USP35: variants seen among roughly 807,000 people sequenced by gnomAD.
USP35 encodes the protein ubiquitin carboxyl-terminal hydrolase 35.
Under a neutral mutation model 83.8 loss-of-function variants are expected in USP35, and 69 were observed. The observed-to-expected ratio is 0.82, with a 90% confidence interval of 0.68 to 1.01. The LOEUF (loss-of-function observed/expected upper bound fraction) is 1.01, where lower values mean the gene tolerates loss of function less well. Among genes scored for constraint, USP35 ranks in the 50% least tolerant of loss-of-function variants. The pLI is 0.00. For missense variants in USP35, 1,503 were observed against 1,362.5 expected (o/e 1.10, Z -1.62); for synonymous variants, 714 against 589.5 (o/e 1.21, Z -3.06).
rs1259865765 is a variant in USP35, at chr11:78,196,720, C to T, written c.475C>T (p.Pro159Ser). 2 of 1,530,408 alleles carry T rather than the reference C, an allele frequency of 1.3e-6. No homozygotes were observed. Among genetic ancestry groups the T allele is most frequent in the East Asian group, 4.9e-5 (2 of 40,740 alleles). 94.8% of individuals were successfully genotyped at this position (1,530,408 alleles called of 1,614,324 possible). A position where few individuals can be genotyped will look rare whatever the true frequency, so the allele number is the denominator to read the frequency against. The change falls in exon 2 of 11, where the codon CCC becomes TCC. Residue 159 changes from proline to serine, a missense_variant. By Grantham distance (74) the Pro-to-Ser change is moderately conservative. Transcript: ENST00000529308. This position sits in a 1 kb window ranked among gnomAD's most constrained non-coding sequence, Gnocchi z 4.8. ...CCACCCGCGCTGTGTGCCCGACGGACCCCACCGCCTGCTCTTCTGCCAGCA... is the reference window on the plus strand; with the variant it reads ...CCACCCGCGCTGTGTGCCCGACGGATCCCACCGCCTGCTCTTCTGCCAGCA... ...ARHPRCVPDG[P>S]HRLLFCQQLV...
At position 78,196,250 on chromosome 11, in the gene USP35, A is replaced by G. The variant is rs756537453; in HGVS notation, c.5A>G (p.Asp2Gly). The change falls in exon 2 of 11, where the codon GAC (aspartate) becomes GGC (glycine). Residue 2 changes from aspartate to glycine, a missense_variant. By Grantham distance (94) the Asp-to-Gly change is moderately conservative. Transcript: ENST00000529308. This position sits in a 1 kb window ranked among gnomAD's most constrained non-coding sequence, Gnocchi z 4.8. M[D>G]KILEAVVTSS... ...GTCCTCCGCAGCGCGGGCGCCATGG[A>G]CAAGATCTTGGAGGCGGTGGTGACG... 2 of 1,592,008 alleles carry G rather than the reference A, an allele frequency of 1.3e-6. No individual in the cohort carries two copies. Among genetic ancestry groups the G allele is most frequent in the Admixed American group, 3.4e-5 (2 of 59,350 alleles).
Position 78,197,950 on chromosome 11 carries a change from T to G in USP35, c.688T>G (p.Ser230Ala). The G allele has an allele frequency of 6.2e-7, 1 of 1,614,146 alleles. No homozygotes were observed. The highest frequency in any genetic ancestry group is 8.5e-7 in the Non-Finnish European group (1 of 1,179,990). Residue 230 changes from serine (S) to alanine (A), a missense_variant, in exon 3 of 11, where the codon TCT (serine) becomes GCT (alanine). Ser to Ala is a moderately conservative substitution (Grantham distance 99). Coordinates refer to ENST00000529308, the MANE Select transcript of USP35 (RefSeq NM_020798.4). ...CCCTGTTCCAGAGGAGGAGCCACCATCTAGCGCCCTGGCCAGCGTGGTCCA... is the reference window on the plus strand; with the variant it reads ...CCCTGTTCCAGAGGAGGAGCCACCAGCTAGCGCCCTGGCCAGCGTGGTCCA... ...VISCAEEEPP[S>A]SALASVVQHL...
chr11:78,203,559 CAT>C (rs1863426328), intron 6 of USP35, among the ~76,000 whole-genome samples: 1 of 151,974 alleles, frequency 6.6e-6, no homozygotes, highest in South Asian at 2.1e-4. Context: ...TAATTATAAA[CAT>C]GTTTACATGT....
At chr11:78,207,890 A>G (rs891598536) in intron 8 of USP35, among the ~76,000 whole-genome samples, 3 of 152,234 alleles carry the variant, frequency 2.0e-5, no homozygotes, top group Non-Finnish European at 4.4e-5. Context: ...TGGTGTTGCC[A>G]TAGTCCATTT....
At chr11:78,189,405 C>G (rs975070805) in intron 1 of USP35, among the ~76,000 whole-genome samples, 6 of 152,240 alleles carry the variant, frequency 3.9e-5, no homozygotes, top group African/African-American at 1.4e-4. Flanking sequence ...GGCATTCGCA[C>G]CCAGTACCTA....
At chr11:78,216,087 T>C (rs1852819293), downstream of USP35, 1 of 151,952 alleles carries the variant, frequency 6.6e-6, no homozygotes, top group South Asian at 2.1e-4. Flanking sequence ...GAGGAGGGAG[T>C]CTCCCCTTCA....
chr11:78,204,919 G>A (rs548095860), intron 6 of USP35, among the ~76,000 whole-genome samples: 53 of 152,362 alleles, frequency 3.5e-4, no homozygotes, highest in African/African-American at 1.2e-3. Context: ...CTGGGGAGAC[G>A]AGGGCTTTGG....
At chr11:78,221,844 C>T in the USP35 span, 1 of 1,149,404 alleles carries the variant, frequency 8.7e-7, no homozygotes, top group Non-Finnish European at 1.3e-6. Context: ...TTCTAGCCTC[C>T]AGCTGGGCCC....
chr11:78,196,869 C>A lies in USP35; in HGVS notation c.624C>A (p.Ala208=). ...CGCAGCTGTGGCGCGCACAGCCCGC[C>A]GCCATCCTGCCCTGCCTCAAAGAGC... ...LLAQLWRAQP[A]AILPCLKELF... is the part of the protein sequence containing the mutation. Residue 208 remains alanine, a synonymous_variant, in exon 2 of 11, where the codon GCC becomes GCA. Coordinates refer to ENST00000529308, the MANE Select transcript of USP35 (RefSeq NM_020798.4). This position sits in a 1 kb window ranked among gnomAD's most constrained non-coding sequence, Gnocchi z 4.8. The A allele has an allele frequency of 6.7e-7, 1 of 1,484,870 alleles. No homozygotes were observed. The highest frequency in any genetic ancestry group is 8.9e-7 in the Non-Finnish European group (1 of 1,121,914). The allele number at this position is 1,484,870 out of a possible 1,614,324, so 92.0% of individuals were successfully genotyped here. A position where few individuals can be genotyped will look rare whatever the true frequency, so the allele number is the denominator to read the frequency against.
At chr11:78,234,829 G>A in the USP35 span, among the ~76,000 whole-genome samples, 1 of 151,894 alleles carries the variant, frequency 6.6e-6, no homozygotes, top group Non-Finnish European at 1.5e-5. Flanking sequence ...GGCCAACATG[G>A]TGAAACCCCA....
chr11:78,217,462 T>G (rs999320565), downstream of USP35: 1 of 152,252 alleles, frequency 6.6e-6, no homozygotes, highest in African/African-American at 2.4e-5. Context: ...TGGTGAACTA[T>G]GCATGCTCAT....
chr11:78,210,169 G>C lies in USP35; in HGVS notation c.2314G>C (p.Glu772Gln). The C allele has an allele frequency of 1.2e-6, 2 of 1,613,794 alleles. No homozygotes were observed. The highest frequency in any genetic ancestry group is 1.1e-5 in the South Asian group (1 of 91,074). The change falls in exon 10 of 11, where the codon GAG becomes CAG. Residue 772 changes from glutamate (E) to glutamine (Q), a missense_variant. Transcript: ENST00000529308. ...LDLVNYFLSP[E>Q]KLTAENRYYC... ...CCTGGTTAACTACTTCCTGTCCCCC[G>C]AGAAGCTGACAGCAGAAAACCGCTA...
At chr11:78,229,203 C>A in the USP35 span, among the ~76,000 whole-genome samples, 1 of 152,058 alleles carries the variant, frequency 6.6e-6, no homozygotes, top group East Asian at 1.9e-4. Flanking sequence ...TTGAGTGAGT[C>A]TGGAAGGATG....
intron 4 of USP35, 100 bp downstream of exon 4, chr11:78,199,824 C>G: frequency 1.3e-6 from 2 of 1,571,784 alleles, no homozygotes; most frequent in Non-Finnish European, 1.7e-6. Flanking sequence ...GCCTACCCAC[C>G]AAGCTCGCTG....
chr11:78,219,492 T>A, downstream of USP35: 6 of 1,365,162 alleles, frequency 4.4e-6, no homozygotes, highest in East Asian at 1.4e-4. Flanking sequence ...GGGCACGGGA[T>A]CTTCCTGAGC....
chr11:78,190,640 C>T (rs1452618688), intron 1 of USP35, among the ~76,000 whole-genome samples: 6 of 152,130 alleles, frequency 3.9e-5, no homozygotes, highest in African/African-American at 1.4e-4. Flanking sequence ...ACATGGATTC[C>T]AGTTATGCTG....
the USP35 span, among the ~76,000 whole-genome samples, chr11:78,234,426 C>T: frequency 6.6e-6 from 1 of 152,064 alleles, no homozygotes; most frequent in African/African-American, 2.4e-5. Flanking sequence ...GTCTCTGATA[C>T]ATTTTAATTT....
At chr11:78,222,050 T>C in the USP35 span, 1 of 1,138,938 alleles carries the variant, frequency 8.8e-7, no homozygotes, top group South Asian at 1.2e-5. Context: ...ACCACATCAC[T>C]CATTTTCCCT....
rs115694790 is a variant in USP35, at chr11:78,197,770, A to T, written c.674-166A>T. Among the ~76,000 whole-genome samples, 536 of 152,274 alleles carry T rather than the reference A, an allele frequency of 3.5e-3. 4 individuals carry two copies. Among genetic ancestry groups the T allele is most frequent in the African/African-American group, 0.012 (515 of 41,544 alleles). ...TGTGCTAGTGAAGGTTTGTTGAGTGAGTTTAGGTGGAACCAGAGACTTTGC... is the reference window on the plus strand; with the variant it reads ...TGTGCTAGTGAAGGTTTGTTGAGTGTGTTTAGGTGGAACCAGAGACTTTGC... On this transcript the variant is annotated intron_variant, in intron 2 of 10. Transcript: ENST00000529308.
Sources: allele counts gnomAD v4.1 joint callset (sites outside exome capture counted in the v4.1 genomes callset), GRCh38; gene constraint gnomAD v4.1.1; non-coding constraint Gnocchi (gnomAD v3.1); transcripts MANE v1.5; gene names NCBI Gene and HGNC (gene_info 2026-07-23, HGNC 2026-07-21).